Variants in FRMD6 observed in about 807,000 individuals in gnomAD.
FRMD6 encodes FERM domain containing 6.
Under a neutral mutation model 73.2 loss-of-function variants are expected in FRMD6, and 37 were observed. The ratio of observed to expected loss-of-function variants is 0.51; its 90% CI spans 0.39 to 0.66. FRMD6 has a LOEUF of 0.66. Among genes scored for constraint, FRMD6 ranks in the 30% least tolerant of loss-of-function variants. The pLI is 0.00. For missense variants in FRMD6, 714 were observed against 780.5 expected, an observed-to-expected ratio of 0.91 and a Z score of 1.02; for synonymous variants, 273 against 282.2, an observed-to-expected ratio of 0.97 and a Z score of 0.33.
chr14:51,629,685 A>G (rs1281127146), intron 2 of FRMD6, among the ~76,000 whole-genome samples: 1 of 152,222 alleles, frequency 6.6e-6, no homozygotes, highest in Non-Finnish European at 1.5e-5. Flanking sequence ...AATAAATAAA[A>G]AAGAAACCTG....
At chr14:51,499,722 GA>G (rs1352448064) in intron 1 of FRMD6, among the ~76,000 whole-genome samples, 1 of 152,220 alleles carries the variant, frequency 6.6e-6, no homozygotes, top group African/African-American at 2.4e-5. Flanking sequence ...GCAACAGTCT[GA>G]TGCTGCATAT....
At chr14:51,536,107 G>GA (rs1444172863) in intron 1 of FRMD6, among the ~76,000 whole-genome samples, 2 of 148,084 alleles carry the variant, frequency 1.4e-5, no homozygotes, top group African/African-American at 4.9e-5. Flanking sequence ...TAGAGAGAGA[G>GA]AGAGAGAAAC....
chr14:51,428,131 CTCAAACTTT>C, the FRMD6 span, among the ~76,000 whole-genome samples: 2 of 152,128 alleles, frequency 1.3e-5, no homozygotes, highest in African/African-American at 2.4e-5. Flanking sequence ...TTAGGACATA[CTCAAACTTT>C]TCAAGTGAGT....
the FRMD6 span, among the ~76,000 whole-genome samples, chr14:51,452,276 T>A: frequency 6.6e-6 from 1 of 152,082 alleles, no homozygotes; most frequent in African/African-American, 2.4e-5. Flanking sequence ...GTGACTAAGG[T>A]TCTAGGCCCA....
At chr14:51,457,726 T>C in the FRMD6 span, among the ~76,000 whole-genome samples, 1 of 152,214 alleles carries the variant, frequency 6.6e-6, no homozygotes, top group African/African-American at 2.4e-5. Flanking sequence ...GGTCAGAGAA[T>C]ATTATTTATG....
At chr14:51,536,480 T>C (rs1368366898) in intron 1 of FRMD6, among the ~76,000 whole-genome samples, 2 of 151,922 alleles carry the variant, frequency 1.3e-5, no homozygotes, top group Non-Finnish European at 2.9e-5. Context: ...TGCAATGGCA[T>C]GATCTTGGCT....
Position 51,665,238 on chromosome 14 carries a change from C to T in FRMD6, c.-147+13242C>T, listed in dbSNP as rs138009037. On this transcript the variant is annotated intron_variant, in intron 1 of 13. Coordinates refer to ENST00000344768, the MANE Select transcript of FRMD6 (RefSeq NM_001267046.2). ...CTGTTGTAGCAACATAACAGCTTCC[C>T]CCTTTATACGGGGTGTGTGCTCTGT... Among the ~76,000 whole-genome samples the T allele has an allele frequency of 5.7e-4, 87 of 152,238 alleles. 2 individuals are homozygous for T. In the East Asian group the frequency reaches 0.014, roughly 24 times the overall value.
intron 2 of FRMD6, among the ~76,000 whole-genome samples, chr14:51,639,434 C>CA (rs200501528): frequency 0.15 from 21,604 of 144,628 alleles, 1,659 homozygotes; most frequent in Middle Eastern, 0.22. Context: ...GACTCCATCT[C>CA]AAAAAAAAAA....
the FRMD6 span, among the ~76,000 whole-genome samples, chr14:51,428,854 G>C: frequency 6.6e-6 from 1 of 151,818 alleles, no homozygotes; most frequent in African/African-American, 2.4e-5. Flanking sequence ...TCAGTTTCTT[G>C]AGCCCCAAGC....
intron 2 of FRMD6, among the ~76,000 whole-genome samples, chr14:51,627,078 T>A (rs186756320): frequency 6.6e-6 from 1 of 152,324 alleles, no homozygotes; most frequent in African/African-American, 2.4e-5. Context: ...CTGATTTTTT[T>A]ATATGCCTTT....
the FRMD6 span, among the ~76,000 whole-genome samples, chr14:51,475,484 T>C: frequency 0.1 from 15,368 of 152,250 alleles, 1,257 homozygotes; most frequent in Admixed American, 0.2. Flanking sequence ...CTAGGAGGGC[T>C]GTGGCCACCT....
chr14:51,596,068 C>T (rs1889696861), intron 2 of FRMD6, among the ~76,000 whole-genome samples: 1 of 152,140 alleles, frequency 6.6e-6, no homozygotes. Flanking sequence ...CTAATGTTCC[C>T]ACTGAGATGC....
chr14:51,512,630 TGG>T lies in FRMD6; in HGVS notation c.-210+23214_-210+23215del, dbSNP rs1044376426. Among the ~76,000 whole-genome samples the T allele has an allele frequency of 4.4e-3, 666 of 151,216 alleles. 2 individuals are homozygous for T. The highest frequency in any genetic ancestry group is 0.016 in the African/African-American group (643 of 41,134). ...TGTTTCTTTCTCTTTTTTTTTTTTG[TGG>T]GGGATGGATAAAAAGAACTAAAGTC... On this transcript the variant is annotated intron_variant, in intron 1 of 14. Coordinates refer to the FRMD6 transcript ENST00000356218.
At chr14:51,609,166 T>C (rs998255181) in intron 2 of FRMD6, among the ~76,000 whole-genome samples, 1 of 152,170 alleles carries the variant, frequency 6.6e-6, no homozygotes, top group Non-Finnish European at 1.5e-5. Context: ...TCTAACAACC[T>C]GGACAGGAAA....
At chr14:51,417,078 A>C in the FRMD6 span, among the ~76,000 whole-genome samples, 1 of 152,086 alleles carries the variant, frequency 6.6e-6, no homozygotes, top group Non-Finnish European at 1.5e-5. Context: ...TCCTGAATAC[A>C]GCACTCTGAT....
At chr14:51,569,811 T>C (rs1888006017) in intron 1 of FRMD6, among the ~76,000 whole-genome samples, 1 of 136,378 alleles carries the variant, frequency 7.3e-6, no homozygotes, top group Non-Finnish European at 1.6e-5. Flanking sequence ...CAGAATTTTC[T>C]TTCTTCTTTT....
At chr14:51,597,128 A>C (rs935507399) in intron 2 of FRMD6, among the ~76,000 whole-genome samples, 1 of 152,244 alleles carries the variant, frequency 6.6e-6, no homozygotes, top group Admixed American at 6.5e-5. Context: ...TAAATACAGC[A>C]ACAGACATTA....
At chr14:51,423,291 C>G in the FRMD6 span, among the ~76,000 whole-genome samples, 1 of 152,190 alleles carries the variant, frequency 6.6e-6, no homozygotes, top group Non-Finnish European at 1.5e-5. Flanking sequence ...GCAGAGCCTC[C>G]CTGGCCATTT....
At chr14:51,591,646 A>G (rs1367533554) in intron 2 of FRMD6, among the ~76,000 whole-genome samples, 1 of 152,136 alleles carries the variant, frequency 6.6e-6, no homozygotes, top group Non-Finnish European at 1.5e-5. Context: ...GGGTTCAAGC[A>G]ATTCTCCTGC....
Sources: allele counts gnomAD v4.1 joint callset (sites outside exome capture counted in the v4.1 genomes callset), GRCh38; gene constraint gnomAD v4.1.1; transcripts MANE v1.5; gene names NCBI Gene and HGNC (gene_info 2026-07-23, HGNC 2026-07-21).